Variants in SNX13 observed in about 807,000 individuals in gnomAD.
SNX13 encodes sorting nexin-13.
A neutral mutation model predicts 133.6 loss-of-function variants in SNX13; 45 were observed. That is an observed-to-expected ratio of 0.34 (90% CI 0.27 to 0.43). The LOEUF is 0.43. Ranked by LOEUF, SNX13 falls within the 20% of genes least tolerant of loss-of-function variation. The pLI is 1.00. For synonymous variants in SNX13, 414 were observed against 373.9 expected (o/e 1.11, Z -1.24); for missense variants, 1,032 against 1,145.1 (o/e 0.90, Z 1.43).
intron 13 of SNX13, among the ~76,000 whole-genome samples, chr7:17,838,286 T>C (rs1433228051): frequency 1.3e-5 from 2 of 151,986 alleles, no homozygotes; most frequent in African/African-American, 4.8e-5. Context: ...ATCATAATAT[T>C]TGCTTACTCC....
rs544598443 is a variant in SNX13, at chr7:17,853,269, A to C, written c.838-2305T>G. On this transcript the variant is annotated intron_variant, in intron 9 of 25. Transcript: ENST00000428135. ...TGGTGTCAATAAGCAAATAAAGTTAAAGAGGTAAAGAAGTACAGGATGTTG... is the reference window on the plus strand; with the variant it reads ...TGGTGTCAATAAGCAAATAAAGTTACAGAGGTAAAGAAGTACAGGATGTTG... Among the ~76,000 whole-genome samples, 5 of 152,270 alleles carry C rather than the reference A, an allele frequency of 3.3e-5. No homozygotes were observed. In the East Asian group the frequency reaches 7.7e-4, roughly 23 times the overall value.
At chr7:17,805,265 G>GCGCGCA (rs771908159) in intron 20 of SNX13, among the ~76,000 whole-genome samples, 129 of 146,106 alleles carry the variant, frequency 8.8e-4, no homozygotes, top group South Asian at 3.3e-3. Context: ...GCGCGCGCGC[G>GCGCGCA]CATGCATGCA....
In SNX13 at chr7:17,890,352, C is replaced by A; in HGVS notation, c.440+11G>T. On this transcript the variant is annotated intron_variant, in intron 5 of 25. Coordinates refer to ENST00000428135, the MANE Select transcript of SNX13 (RefSeq NM_015132.5). ...AAATTTTTCTGCATAAATACAATGT[C>A]GTGTCCTTACCTAGTAGCAAACTGA... is the stretch of plus-strand genomic sequence containing the variant. 1.2e-6 allele frequency: 2 copies of A among 1,605,948 alleles called. No individual in the cohort carries two copies. Among genetic ancestry groups the A allele is most frequent in the South Asian group, 2.2e-5 (2 of 89,388 alleles).
chr7:17,825,179 T>G (rs1787751182), intron 17 of SNX13, among the ~76,000 whole-genome samples: 1 of 152,132 alleles, frequency 6.6e-6, no homozygotes, highest in African/African-American at 2.4e-5. Flanking sequence ...AAATTGAGAC[T>G]TCAGTTCCAG....
chr7:17,939,710 A>C (rs2128058536), intron 1 of SNX13, among the ~76,000 whole-genome samples: 1 of 152,374 alleles, frequency 6.6e-6, no homozygotes, highest in East Asian at 1.9e-4. Context: ...GATTTAACCG[A>C]AAAGGTGATG....
At position 17,866,531 on chromosome 7, in the gene SNX13, T is replaced by C. The variant is rs140825406; in HGVS notation, c.837+1876A>G. 2.6e-5 allele frequency among the ~76,000 whole-genome samples: 4 copies of C among 151,754 alleles called. No individual in the cohort carries two copies. The East Asian group carries it at 7.7e-4, about 29-fold the overall frequency. On this transcript the variant is annotated intron_variant, in intron 9 of 25. Coordinates refer to ENST00000428135, the MANE Select transcript of SNX13 (RefSeq NM_015132.5). ...AAAGAAATGGATAAAGAAAACATGGTACATACACAAAATAGAATATTATTC... is the reference window on the plus strand; with the variant it reads ...AAAGAAATGGATAAAGAAAACATGGCACATACACAAAATAGAATATTATTC...
At chr7:17,857,182 C>A (rs1192664856) in intron 9 of SNX13, among the ~76,000 whole-genome samples, 1 of 152,004 alleles carries the variant, frequency 6.6e-6, no homozygotes, top group Non-Finnish European at 1.5e-5. Context: ...CAGCAATAAA[C>A]CATAAAGAAA....
intron 9 of SNX13, among the ~76,000 whole-genome samples, chr7:17,866,689 C>T (rs190296596): frequency 5.1e-4 from 78 of 152,008 alleles, no homozygotes; most frequent in African/African-American, 1.8e-3. Context: ...GATACAGTGT[C>T]AAATAATGTT....
chr7:17,800,770 G>A (rs547713326), intron 22 of SNX13, among the ~76,000 whole-genome samples: 16 of 151,518 alleles, frequency 1.1e-4, no homozygotes, highest in South Asian at 2.1e-4. Flanking sequence ...CTTGACAGAC[G>A]CATAAGACAG....
intron 9 of SNX13, among the ~76,000 whole-genome samples, chr7:17,858,178 A>G (rs1792165347): frequency 6.6e-6 from 1 of 152,212 alleles, no homozygotes; most frequent in East Asian, 1.9e-4. Context: ...TCCTACCCAG[A>G]GTAATTAGGC....
At chr7:17,897,265 TCA>T (rs1294137244) in intron 2 of SNX13, 67 bp downstream of exon 2, 1 of 824,978 alleles carries the variant, frequency 1.2e-6, no homozygotes, top group African/African-American at 1.8e-5. Context: ...CTCCCGTTTC[TCA>T]GTCATTTGTT....
Position 17,793,724 on chromosome 7 carries a change from C to A in SNX13, c.*321G>T. The A allele has an allele frequency of 4.2e-6, 1 of 235,734 alleles. No homozygotes were observed. The highest frequency in any genetic ancestry group is 7.2e-5 in the South Asian group (1 of 13,882). 14.6% of individuals were successfully genotyped at this position (235,734 alleles called of 1,614,324 possible). ...GCTTTCCTTAGCTTTCATATATACA[C>A]TCTGGCACTTTGTCATTGCTGGAGA... On this transcript the variant is annotated 3_prime_UTR_variant, in exon 26 of 26. Transcript: ENST00000428135.
rs1183555883 is a variant in SNX13 at position 17,790,764 on chromosome 7, T to C, written c.*3281A>G. 2.0e-5 allele frequency: 3 copies of C among 152,064 alleles called. No homozygotes were observed. Among genetic ancestry groups the C allele is most frequent in the African/African-American group, 7.2e-5 (3 of 41,462 alleles). 9.4% of individuals were successfully genotyped at this position (152,064 alleles called of 1,614,324 possible). On this transcript the variant is annotated 3_prime_UTR_variant, in exon 26 of 26. Coordinates refer to ENST00000428135, the MANE Select transcript of SNX13 (RefSeq NM_015132.5). ...TATTAAATGAACTCAACAAAAATGT[T>C]TGTTAATACTTTATTAGTATTTTCT...
intron 20 of SNX13, among the ~76,000 whole-genome samples, chr7:17,807,037 ACAGACACCAAGCTAGCTG>A (rs1227845240): frequency 6.6e-6 from 1 of 152,086 alleles, no homozygotes; most frequent in Non-Finnish European, 1.5e-5. Context: ...GGCCGTTTGG[ACAGACACCAAGCTAGCTG>A]CAGGAGTTTT....
At chr7:17,912,780 C>G (rs545505700) in intron 1 of SNX13, among the ~76,000 whole-genome samples, 10 of 152,278 alleles carry the variant, frequency 6.6e-5, no homozygotes, top group African/African-American at 2.2e-4. Context: ...CAGCAGCAGC[C>G]ATTGCAGGCA....
At chr7:17,936,000 G>GC (rs1254561854) in intron 1 of SNX13, among the ~76,000 whole-genome samples, 1 of 152,178 alleles carries the variant, frequency 6.6e-6, no homozygotes, top group Non-Finnish European at 1.5e-5. Flanking sequence ...TGATGTATGT[G>GC]CATGTGTGTG....
intron 22 of SNX13, among the ~76,000 whole-genome samples, chr7:17,799,803 G>A (rs373589062): frequency 7.2e-5 from 11 of 151,790 alleles, no homozygotes; most frequent in African/African-American, 2.2e-4. Flanking sequence ...GAAGACGATC[G>A]GAATGCTTTG....
intron 2 of SNX13, among the ~76,000 whole-genome samples, chr7:17,896,638 C>T (rs370582791): frequency 5.8e-4 from 89 of 152,228 alleles, no homozygotes; most frequent in African/African-American, 2.0e-3. Flanking sequence ...AACATACATA[C>T]AAACACATTA....
intron 1 of SNX13, among the ~76,000 whole-genome samples, chr7:17,930,432 A>G (rs991834837): frequency 6.6e-6 from 1 of 152,218 alleles, no homozygotes; most frequent in African/African-American, 2.4e-5. Context: ...ATATACATAT[A>G]TAAAAAAGAT....
Sources: gnomAD v4.1 joint callset for allele counts (sites outside exome capture counted in the v4.1 genomes callset) on GRCh38, gnomAD v4.1.1 for gene constraint, MANE v1.5 for transcripts, NCBI Gene and HGNC (gene_info 2026-07-23, HGNC 2026-07-21) for gene names.